VAV3: variants seen among roughly 807,000 people sequenced by gnomAD.
VAV3 encodes vav guanine nucleotide exchange factor 3.
A neutral mutation model predicts 131.2 loss-of-function variants in VAV3; 94 were observed. The observed-to-expected ratio is 0.72, with a 90% confidence interval of 0.61 to 0.85. The LOEUF (loss-of-function observed/expected upper bound fraction) is 0.85, where lower values mean the gene tolerates loss of function less well. VAV3 is among the 40% of genes least tolerant of loss of function. The probability of loss-of-function intolerance (pLI) is 0.00; values close to 1 mark genes in which losing one functional copy is unlikely to be tolerated. For missense variants in VAV3, 939 were observed against 1,002.7 expected (o/e 0.94, Z 0.86); for synonymous variants, 349 against 342.0 (o/e 1.02, Z -0.22).
At chr1:107,576,465 C>A in intron 25 of VAV3, 1 of 1,507,170 alleles carries the variant, frequency 6.6e-7, no homozygotes, top group Non-Finnish European at 8.8e-7. Context: ...AGCCACAGAA[C>A]AAAGAGGGGG....
chr1:107,760,751 T>C (rs1465182459), intron 10 of VAV3, 33 bp downstream of exon 10: 4 of 1,516,702 alleles, frequency 2.6e-6, no homozygotes, highest in South Asian at 1.1e-5. Context: ...AGTGAATAAA[T>C]GGACAATAAA....
intron 15 of VAV3, among the ~76,000 whole-genome samples, chr1:107,733,434 A>G (rs764980173): frequency 6.6e-6 from 1 of 152,216 alleles, no homozygotes; most frequent in African/African-American, 2.4e-5. Flanking sequence ...GGTAATAACA[A>G]ACTTCTCCAA....
chr1:107,712,511 G>A (rs573520691), intron 15 of VAV3, among the ~76,000 whole-genome samples: 5 of 152,292 alleles, frequency 3.3e-5, no homozygotes, highest in African/African-American at 1.2e-4. Flanking sequence ...ATACTAAAAT[G>A]TTTTTAGAAG....
chr1:107,587,030 T>C (rs1650554711), intron 25 of VAV3, among the ~76,000 whole-genome samples: 2 of 152,164 alleles, frequency 1.3e-5, no homozygotes. Context: ...AAAAAACTTG[T>C]ATTAGGGCTA....
chr1:107,615,027 A>G (rs1409064058), intron 21 of VAV3, among the ~76,000 whole-genome samples: 2 of 152,166 alleles, frequency 1.3e-5, no homozygotes, highest in Non-Finnish European at 1.5e-5. Flanking sequence ...AACTAGATAG[A>G]GAATCATTTT....
At chr1:107,691,130 T>C (rs1199780715) in intron 17 of VAV3, among the ~76,000 whole-genome samples, 3 of 152,256 alleles carry the variant, frequency 2.0e-5, no homozygotes, top group South Asian at 2.1e-4. Context: ...GCCTCCTTTA[T>C]AAACACAATC....
At chr1:107,816,383 C>T (rs546984995) in intron 2 of VAV3, among the ~76,000 whole-genome samples, 11 of 152,096 alleles carry the variant, frequency 7.2e-5, no homozygotes. Context: ...AATGAAAAAG[C>T]TCTCATCTAG....
intron 13 of VAV3, among the ~76,000 whole-genome samples, chr1:107,750,830 T>G (rs974008258): frequency 5.3e-5 from 8 of 152,214 alleles, no homozygotes; most frequent in African/African-American, 1.7e-4. Context: ...TTTATGGTAG[T>G]TATCTGTTCT....
At chr1:107,862,648 G>T (rs1202933987) in intron 2 of VAV3, 1 of 151,348 alleles carries the variant, frequency 6.6e-6, no homozygotes, top group Non-Finnish European at 1.5e-5. Context: ...AAGACTCAAT[G>T]ACCTCCATAT....
intron 2 of VAV3, among the ~76,000 whole-genome samples, chr1:107,862,192 A>C (rs1248801273): frequency 6.6e-6 from 1 of 151,554 alleles, no homozygotes; most frequent in Non-Finnish European, 1.5e-5. Context: ...CTCTATCCAG[A>C]GGAAGCCTGC....
intron 2 of VAV3, among the ~76,000 whole-genome samples, chr1:107,785,805 C>T (rs1188574531): frequency 6.6e-6 from 1 of 152,184 alleles, no homozygotes; most frequent in African/African-American, 2.4e-5. Flanking sequence ...ATCCCAGACA[C>T]CAGGTTATCT....
In VAV3 at chr1:107,838,087, C is replaced by A. The variant is rs1571022125; in HGVS notation, c.321+36814G>T. The stretch of plus-strand genomic sequence containing the variant: ...TCTGCACAGTAGGAGAAACTATCAA[C>A]AGAGTAAACAAACTACAGAATGGAA... On this transcript the variant is annotated intron_variant, in intron 2 of 26. Coordinates refer to ENST00000370056, the MANE Select transcript of VAV3 (RefSeq NM_006113.5). Among the ~76,000 whole-genome samples, 3 of 152,216 alleles carry A rather than the reference C, an allele frequency of 2.0e-5. No individual in the cohort carries two copies. In the South Asian group the frequency reaches 6.2e-4, roughly 32 times the overall value.
chr1:107,622,164 C>A (rs910090819), intron 20 of VAV3, among the ~76,000 whole-genome samples: 2 of 152,102 alleles, frequency 1.3e-5, no homozygotes, highest in African/African-American at 4.8e-5. Context: ...TTCTGACATT[C>A]CCGAACATCA....
chr1:107,948,563 G>A (rs1461870786), intron 1 of VAV3, among the ~76,000 whole-genome samples: 1 of 152,158 alleles, frequency 6.6e-6, no homozygotes, highest in Non-Finnish European at 1.5e-5. Context: ...AATAAAGCTG[G>A]CCAGGCGCAG....
chr1:107,635,848 G>A lies in VAV3; in HGVS notation c.1914+6771C>T, dbSNP rs114204012. Among the ~76,000 whole-genome samples, 1,157 of 152,224 alleles carry A rather than the reference G, an allele frequency of 7.6e-3. 8 individuals are homozygous for A. The highest frequency in any genetic ancestry group is 0.013 in the South Asian group (61 of 4,816). On this transcript the variant is annotated intron_variant, in intron 20 of 26. Coordinates refer to ENST00000370056, the MANE Select transcript of VAV3 (RefSeq NM_006113.5). Reference sequence around the variant, plus strand: ...TAGTAAAGAGATTGGACTCTTGGCCGGAATTCCTATGTCCGAATAACAGCT... The same window carrying A: ...TAGTAAAGAGATTGGACTCTTGGCCAGAATTCCTATGTCCGAATAACAGCT...
intron 1 of VAV3, among the ~76,000 whole-genome samples, chr1:107,882,254 C>A (rs922487653): frequency 3.9e-5 from 6 of 152,022 alleles, no homozygotes; most frequent in Non-Finnish European, 7.4e-5. Context: ...AGGCAAGGAC[C>A]ACCCAGAGCC....
intron 1 of VAV3, among the ~76,000 whole-genome samples, chr1:107,938,561 T>G (rs1050487537): frequency 1.3e-5 from 2 of 152,146 alleles, no homozygotes; most frequent in African/African-American, 4.8e-5. Context: ...AGGGACATAA[T>G]TAGGATGTCA....
At chr1:107,830,010 G>A (rs1668178489) in intron 2 of VAV3, among the ~76,000 whole-genome samples, 1 of 152,044 alleles carries the variant, frequency 6.6e-6, no homozygotes, top group African/African-American at 2.4e-5. Flanking sequence ...ATGTTAATGA[G>A]CAAAACTACT....
At chr1:107,909,482 A>G (rs1055259162) in intron 1 of VAV3, among the ~76,000 whole-genome samples, 11 of 152,192 alleles carry the variant, frequency 7.2e-5, no homozygotes, top group Admixed American at 7.2e-4. Context: ...CCCGAGCTTT[A>G]TATTTCCATT....
Sources: allele counts gnomAD v4.1 joint callset (sites outside exome capture counted in the v4.1 genomes callset), GRCh38; gene constraint gnomAD v4.1.1; transcripts MANE v1.5; gene names NCBI Gene and HGNC (gene_info 2026-07-23, HGNC 2026-07-21).